CDC42BPA: variants seen among roughly 807,000 people sequenced by gnomAD.
CDC42BPA encodes CDC42 binding protein kinase alpha.
CDC42BPA carries 80 observed loss-of-function variants against 223.5 expected under a neutral mutation model. That is an observed-to-expected ratio of 0.36 (90% CI 0.30 to 0.43). The LOEUF (loss-of-function observed/expected upper bound fraction) is 0.43, where lower values mean the gene tolerates loss of function less well. CDC42BPA is among the 20% of genes least tolerant of loss of function. The pLI is 1.00. For missense variants in CDC42BPA, 1,743 were observed against 2,099.9 expected (o/e 0.83, Z 3.32); for synonymous variants, 694 against 718.6 (o/e 0.97, Z 0.55).
At chr1:227,297,815 T>A (rs956621138) in intron 1 of CDC42BPA, among the ~76,000 whole-genome samples, 1 of 151,696 alleles carries the variant, frequency 6.6e-6, no homozygotes, top group East Asian at 1.9e-4. Context: ...GGTTAATGGA[T>A]ACAGAGCTTC....
At chr1:227,250,660 T>C (rs139222307) in intron 2 of CDC42BPA, among the ~76,000 whole-genome samples, 1 of 151,496 alleles carries the variant, frequency 6.6e-6, no homozygotes, top group East Asian at 1.9e-4. Context: ...GTGTATACCA[T>C]AATATACTTC....
chr1:227,097,634 A>G (rs759378706), intron 15 of CDC42BPA, among the ~76,000 whole-genome samples: 4 of 152,220 alleles, frequency 2.6e-5, no homozygotes, highest in African/African-American at 9.6e-5. Flanking sequence ...CAGCTTCCCA[A>G]TAAGACTCAG....
At chr1:227,145,808 AT>A (rs1245141547) in intron 7 of CDC42BPA, 71 bp from the exon 8 acceptor site, 11 of 1,221,856 alleles carry the variant, frequency 9.0e-6, no homozygotes, top group Non-Finnish European at 1.2e-5. Context: ...TGACTTATTT[AT>A]TTTCTTAAAA....
chr1:227,043,430 A>T (rs1188171105), intron 23 of CDC42BPA, among the ~76,000 whole-genome samples: 6 of 146,246 alleles, frequency 4.1e-5, no homozygotes, highest in South Asian at 2.2e-4. Flanking sequence ...AAAAAAAAAA[A>T]TTTAATTTTC....
At chr1:227,147,695 G>A (rs1436822490) in intron 6 of CDC42BPA, 136 bp from the exon 7 acceptor site, 1 of 518,904 alleles carries the variant, frequency 1.9e-6, no homozygotes, top group Non-Finnish European at 3.3e-6. Context: ...AATAATCCTT[G>A]TATATATGTT....
At chr1:227,089,651 T>TTTTTA (rs779008184) in intron 16 of CDC42BPA, among the ~76,000 whole-genome samples, 2 of 118,858 alleles carry the variant, frequency 1.7e-5, no homozygotes, top group African/African-American at 3.2e-5. Context: ...TTTTTTTTTT[T>TTTTTA]AAAAACAAAC....
intron 21 of CDC42BPA, among the ~76,000 whole-genome samples, chr1:227,057,620 T>G (rs768392351): frequency 7.9e-5 from 12 of 152,270 alleles, no homozygotes; most frequent in Non-Finnish European, 1.2e-4. Flanking sequence ...AGTGGCTGAC[T>G]TTTTTTGTGA....
chr1:227,072,788 G>C lies in CDC42BPA; in HGVS notation c.2736-489C>G, dbSNP rs183006215. 9.9e-5 allele frequency among the ~76,000 whole-genome samples: 15 copies of C among 152,074 alleles called. No homozygotes were observed. The East Asian group carries it at 2.3e-3, about 23-fold the overall frequency. ...AAACTGGCTCATCTTCCTGACTTAT[G>C]AACAATATGTAAACTCATCTGTCCT... On this transcript the variant is annotated intron_variant, in intron 19 of 36. Transcript: ENST00000366766.
chr1:227,065,159 T>C (rs1312913934), intron 21 of CDC42BPA, among the ~76,000 whole-genome samples: 2 of 151,706 alleles, frequency 1.3e-5, no homozygotes, highest in African/African-American at 2.4e-5. Context: ...TCCTAAAGAA[T>C]ATTTTACATA....
chr1:227,206,768 G>A (rs1009115385), intron 3 of CDC42BPA, among the ~76,000 whole-genome samples: 1 of 152,086 alleles, frequency 6.6e-6, no homozygotes, highest in Non-Finnish European at 1.5e-5. Context: ...ATAGTTTGAG[G>A]AGAGTACCTT....
intron 1 of CDC42BPA, among the ~76,000 whole-genome samples, chr1:227,314,049 C>A (rs1468743179): frequency 6.6e-6 from 1 of 151,964 alleles, no homozygotes; most frequent in Non-Finnish European, 1.5e-5. Context: ...CCCCAAAATT[C>A]CAATTTCCCA....
chr1:227,308,485 G>A (rs1572997625), intron 1 of CDC42BPA, among the ~76,000 whole-genome samples: 1 of 145,750 alleles, frequency 6.9e-6, no homozygotes, highest in East Asian at 2.0e-4. Flanking sequence ...ACTCCAGCCT[G>A]GGCAACACAG....
At chr1:227,046,010 T>C (rs1672365053) in intron 23 of CDC42BPA, among the ~76,000 whole-genome samples, 1 of 152,150 alleles carries the variant, frequency 6.6e-6, no homozygotes, top group African/African-American at 2.4e-5. Context: ...TTTGCCATGC[T>C]GCCCAGGTAG....
chr1:227,042,894 T>C (rs1474841394), intron 23 of CDC42BPA, among the ~76,000 whole-genome samples: 3 of 152,178 alleles, frequency 2.0e-5, no homozygotes, highest in Non-Finnish European at 4.4e-5. Context: ...AGAGTTCTTT[T>C]CTACTCTGAT....
chr1:227,039,598 C>T (rs1013651382), intron 24 of CDC42BPA, among the ~76,000 whole-genome samples: 21 of 152,222 alleles, frequency 1.4e-4, no homozygotes, highest in East Asian at 3.9e-4. Context: ...TCAGAATGTG[C>T]GCTCTATGAG....
chr1:227,204,939 A>T (rs191940324), intron 3 of CDC42BPA, among the ~76,000 whole-genome samples: 2,692 of 117,880 alleles, frequency 0.023, 36 homozygotes, highest in Non-Finnish European at 0.036. Context: ...CCATAAACTT[A>T]AAAAAAAAAT....
intron 1 of CDC42BPA, among the ~76,000 whole-genome samples, chr1:227,273,643 T>G (rs1418293306): frequency 1.3e-5 from 2 of 151,454 alleles, no homozygotes; most frequent in Admixed American, 6.6e-5. Context: ...AGGAAAAGAA[T>G]GATGCCAGTG....
At chr1:227,262,657 T>C (rs1684285515) in intron 1 of CDC42BPA, among the ~76,000 whole-genome samples, 1 of 152,136 alleles carries the variant, frequency 6.6e-6, no homozygotes, top group Admixed American at 6.5e-5. Context: ...GGTTAAAAAA[T>C]CGGCCTTTTA....
chr1:227,269,975 T>C (rs1229778581), intron 1 of CDC42BPA, among the ~76,000 whole-genome samples: 2 of 152,186 alleles, frequency 1.3e-5, no homozygotes, highest in Non-Finnish European at 2.9e-5. Context: ...TCTGAGTATA[T>C]GTATAAGCCC....
Sources: gnomAD v4.1 joint callset for allele counts (sites outside exome capture counted in the v4.1 genomes callset) on GRCh38, gnomAD v4.1.1 for gene constraint, MANE v1.5 for transcripts, NCBI Gene and HGNC (gene_info 2026-07-23, HGNC 2026-07-21) for gene names.